DYNC1LI2: variants seen among roughly 807,000 people sequenced by gnomAD.
DYNC1LI2 encodes cytoplasmic dynein 1 light intermediate chain 2.
Under a neutral mutation model 57.8 loss-of-function variants are expected in DYNC1LI2, and 19 were observed. The observed-to-expected ratio is 0.33, with a 90% CI of 0.23 to 0.48. The LOEUF (loss-of-function observed/expected upper bound fraction) is 0.48, where lower values mean the gene tolerates loss of function less well. Ranked by LOEUF, DYNC1LI2 falls within the 20% of genes least tolerant of loss-of-function variation. The probability of loss-of-function intolerance (pLI) is 0.99; values close to 1 mark genes in which losing one functional copy is unlikely to be tolerated. For synonymous variants in DYNC1LI2, 256 were observed against 233.4 expected (o/e 1.10, Z -0.88); for missense variants, 470 against 604.2 (o/e 0.78, Z 2.33).
At chr16:66,745,551 T>C (rs1284624410) in intron 3 of DYNC1LI2, among the ~76,000 whole-genome samples, 1 of 151,116 alleles carries the variant, frequency 6.6e-6, no homozygotes, top group Non-Finnish European at 1.5e-5. Flanking sequence ...GTGCTGGGAT[T>C]ACAGGCGTGA....
At chr16:66,744,655 G>T (rs893940359) in intron 3 of DYNC1LI2, among the ~76,000 whole-genome samples, 2 of 151,942 alleles carry the variant, frequency 1.3e-5, no homozygotes, top group Non-Finnish European at 2.9e-5. Flanking sequence ...TGCTGCCCAG[G>T]TTCAAGCGAT....
At position 66,736,300 on chromosome 16, in the gene DYNC1LI2, C is replaced by G. The variant is rs1239364037; in HGVS notation, c.530-56G>C. On this transcript the variant is annotated intron_variant, in intron 4 of 12. Coordinates refer to ENST00000258198, the MANE Select transcript of DYNC1LI2 (RefSeq NM_006141.3). ...GCACATAAATAAAAATACATGTTAG[C>G]TTTAGAACACTGAAAAGAAGGCAAT... The G allele has an allele frequency of 1.9e-6, 3 of 1,576,252 alleles. No individual in the cohort carries two copies. In the African/African-American group the frequency reaches 4.1e-5, roughly 21 times the overall value.
intron 4 of DYNC1LI2, among the ~76,000 whole-genome samples, chr16:66,741,182 A>G (rs963247057): frequency 6.6e-6 from 1 of 152,238 alleles, no homozygotes; most frequent in Non-Finnish European, 1.5e-5. Flanking sequence ...CTAAGAAAAC[A>G]GCTTCAGAGA....
At chr16:66,724,975 C>A (rs938239616) in intron 12 of DYNC1LI2, among the ~76,000 whole-genome samples, 1 of 151,994 alleles carries the variant, frequency 6.6e-6, no homozygotes, top group African/African-American at 2.4e-5. Flanking sequence ...AGTTCGAGAA[C>A]AGCCTGGCCA....
chr16:66,751,427 A>G lies in DYNC1LI2; in HGVS notation c.107+58T>C. ...TCGCGTCGGCCCCTCAGTGTGTCCGACGGTCCGGCCCAGAGGCCGCGCCCC... is the reference window on the plus strand; with the variant it reads ...TCGCGTCGGCCCCTCAGTGTGTCCGGCGGTCCGGCCCAGAGGCCGCGCCCC... On this transcript the variant is annotated intron_variant, in intron 1 of 12. Coordinates refer to ENST00000258198, the MANE Select transcript of DYNC1LI2 (RefSeq NM_006141.3). This position sits in a 1 kb window ranked among gnomAD's most constrained non-coding sequence, Gnocchi z 5.2. 6.3e-7 allele frequency: 1 copy of G among 1,586,946 alleles called. No homozygotes were observed. The highest frequency in any genetic ancestry group is 8.6e-7 in the Non-Finnish European group (1 of 1,169,212).
intron 11 of DYNC1LI2, among the ~76,000 whole-genome samples, chr16:66,726,163 A>G (rs1214423749): frequency 6.6e-6 from 1 of 152,214 alleles, no homozygotes; most frequent in Non-Finnish European, 1.5e-5. Context: ...GTTTGGGAGC[A>G]GAATAGATAA....
chr16:66,742,754 G>C, intron 3 of DYNC1LI2, 86 bp from the exon 4 acceptor site: 1 of 1,422,852 alleles, frequency 7.0e-7, no homozygotes, highest in Non-Finnish European at 9.6e-7. Context: ...GGAAGATCTT[G>C]AAGGTGACAG....
At chr16:66,741,881 C>T (rs1053754644) in intron 4 of DYNC1LI2, among the ~76,000 whole-genome samples, 1 of 134,628 alleles carries the variant, frequency 7.4e-6, no homozygotes, top group Non-Finnish European at 1.5e-5. Context: ...CTTAAAATAA[C>T]CTTTCATGTT....
chr16:66,749,132 G>A lies in DYNC1LI2; in HGVS notation c.298+65C>T, dbSNP rs536874073. 4.0e-6 allele frequency: 6 copies of A among 1,501,708 alleles called. No individual in the cohort carries two copies. The South Asian group carries it at 5.7e-5, about 14-fold the overall frequency. 93.0% of individuals were successfully genotyped at this position (1,501,708 alleles called of 1,614,324 possible). A position where few individuals can be genotyped will look rare whatever the true frequency, so the allele number is the denominator to read the frequency against. The stretch of plus-strand genomic sequence containing the variant: ...AATGCCTGGCCATGCTGCAGGAACT[G>A]CACCCAAGGAAGCAGTCAGAGTCCT... On this transcript the variant is annotated intron_variant, in intron 3 of 12. Coordinates refer to ENST00000258198, the MANE Select transcript of DYNC1LI2 (RefSeq NM_006141.3).
At chr16:66,738,065 G>C (rs953709535) in intron 4 of DYNC1LI2, among the ~76,000 whole-genome samples, 6 of 152,118 alleles carry the variant, frequency 3.9e-5, no homozygotes, top group Non-Finnish European at 7.3e-5. Context: ...TTCACCCACA[G>C]AACACGTTTC....
At chr16:66,731,848 G>A (rs184425417) in intron 7 of DYNC1LI2, 4 of 152,924 alleles carry the variant, frequency 2.6e-5, no homozygotes, top group Non-Finnish European at 5.8e-5. Flanking sequence ...TAGGAAAACA[G>A]GTATCCAAGT....
At chr16:66,727,952 GCT>G (rs2017566091) in intron 10 of DYNC1LI2, 147 bp from the exon 11 acceptor site, 2 of 866,620 alleles carry the variant, frequency 2.3e-6, no homozygotes, top group Admixed American at 2.8e-5. Context: ...GCCCTTTCTG[GCT>G]CTCTTTCTCC....
rs2017657297 is a variant in DYNC1LI2 at position 66,732,567 on chromosome 16, T to C, written c.794-93A>G. The stretch of plus-strand genomic sequence containing the variant: ...AAAGTACTACTCATAGGTTGATCAG[T>C]TTTTGATCAATATATGAGCAACAGA... On this transcript the variant is annotated intron_variant, in intron 6 of 12. Coordinates refer to ENST00000258198, the MANE Select transcript of DYNC1LI2 (RefSeq NM_006141.3). The C allele has an allele frequency of 2.2e-6, 3 of 1,383,324 alleles. No homozygotes were observed. In the African/African-American group the frequency reaches 4.4e-5, roughly 20 times the overall value. The allele number at this position is 1,383,324 out of a possible 1,614,324, so 85.7% of individuals were successfully genotyped here. A position where few individuals can be genotyped will look rare whatever the true frequency, so the allele number is the denominator to read the frequency against.
intron 9 of DYNC1LI2, 109 bp from the exon 10 acceptor site, chr16:66,728,351 A>C: frequency 1.6e-6 from 2 of 1,275,200 alleles, no homozygotes; most frequent in Non-Finnish European, 2.2e-6. Context: ...ATTAACAACA[A>C]CTAAGTCCTA....
At chr16:66,737,256 A>C (rs1314688842) in intron 4 of DYNC1LI2, among the ~76,000 whole-genome samples, 1 of 152,200 alleles carries the variant, frequency 6.6e-6, no homozygotes, top group African/African-American at 2.4e-5. Context: ...AGTCTGGGCA[A>C]CAGAGTGAGA....
intron 3 of DYNC1LI2, among the ~76,000 whole-genome samples, chr16:66,746,266 C>T (rs879017273): frequency 2.6e-5 from 4 of 152,198 alleles, no homozygotes; most frequent in Admixed American, 2.0e-4. Flanking sequence ...GATCACACCA[C>T]GTGTAGCATT....
chr16:66,725,025 T>G (rs1274613286), intron 12 of DYNC1LI2, among the ~76,000 whole-genome samples: 6 of 151,106 alleles, frequency 4.0e-5, no homozygotes, highest in Admixed American at 4.0e-4. Context: ...TACAAAAAAA[T>G]TAGCCGGATG....
At chr16:66,750,898 C>T (rs1354293996) in intron 2 of DYNC1LI2, among the ~76,000 whole-genome samples, 1 of 152,204 alleles carries the variant, frequency 6.6e-6, no homozygotes, top group African/African-American at 2.4e-5. Context: ...AGAAGGCTCC[C>T]GTGGTCATTT....
Position 66,723,615 on chromosome 16 carries a change from C to A in DYNC1LI2, c.*107G>T. The A allele has an allele frequency of 1.0e-6, 1 of 954,026 alleles. No homozygotes were observed. Among genetic ancestry groups the A allele is most frequent in the Admixed American group, 2.7e-5 (1 of 37,708 alleles). The allele number at this position is 954,026 out of a possible 1,614,324, so 59.1% of individuals were successfully genotyped here. ...TTTTTTTTTTTAAAGTTCATCTCCC[C>A]TGCCCCAAAAAACTGATAGCATGTG... On this transcript the variant is annotated 3_prime_UTR_variant, in exon 13 of 13. Coordinates refer to ENST00000258198, the MANE Select transcript of DYNC1LI2 (RefSeq NM_006141.3).
Sources: allele counts gnomAD v4.1 joint callset (sites outside exome capture counted in the v4.1 genomes callset), GRCh38; gene constraint gnomAD v4.1.1; non-coding constraint Gnocchi (gnomAD v3.1); transcripts MANE v1.5; gene names NCBI Gene and HGNC (gene_info 2026-07-23, HGNC 2026-07-21).